ATG16L1: variants seen among roughly 807,000 people sequenced by gnomAD.
ATG16L1 encodes autophagy related 16 like 1.
In ATG16L1, 37 loss-of-function variants were observed where a neutral mutation model predicts 88.5. That is an observed-to-expected ratio of 0.42 (90% CI 0.32 to 0.55). ATG16L1 has a LOEUF of 0.55. Among genes scored for constraint, ATG16L1 ranks in the 20% least tolerant of loss-of-function variants. The pLI, the probability that ATG16L1 is intolerant of heterozygous loss-of-function variation, is 0.13. For missense variants in ATG16L1, 554 were observed against 752.8 expected (o/e 0.74, Z 3.09); for synonymous variants, 301 against 281.0 (o/e 1.07, Z -0.71).
At chr2:233,264,139 G>A (rs1697404080) in intron 4 of ATG16L1, 74 bp downstream of exon 4, 4 of 1,513,106 alleles carry the variant, frequency 2.6e-6, no homozygotes, top group Non-Finnish European at 3.7e-6. Flanking sequence ...CCTCTTGTGA[G>A]CAGGGCCAGT....
intron 2 of ATG16L1, 23 bp from the exon 3 acceptor site, chr2:233,263,107 A>G: frequency 6.2e-7 from 1 of 1,607,602 alleles, no homozygotes; most frequent in Non-Finnish European, 8.5e-7. Context: ...CATTCTCTTC[A>G]TCTGCCTGGT....
chr2:233,273,364 A>C (rs772901191), intron 7 of ATG16L1: 3 of 493,216 alleles, frequency 6.1e-6, no homozygotes, highest in Non-Finnish European at 1.1e-5. Flanking sequence ...TTTCATTCTT[A>C]CTAGGGCTTC....
Position 233,293,472 on chromosome 2 carries a change from C to G in ATG16L1, c.1730+115C>G, listed in dbSNP as rs1699603560. On this transcript the variant is annotated intron_variant, in intron 17 of 17. Coordinates refer to ENST00000392017, the MANE Select transcript of ATG16L1 (RefSeq NM_030803.7). ...GCGCTGTGAGGGCACTGTCCGCCCA[C>G]CTGCTCGGCTGGCTGAGCTAGGTCA... The G allele has an allele frequency of 1.4e-5, 13 of 943,726 alleles. No homozygotes were observed. In the South Asian group the frequency reaches 1.9e-4, roughly 14 times the overall value. 58.5% of individuals were successfully genotyped at this position (943,726 alleles called of 1,614,324 possible). A position where few individuals can be genotyped will look rare whatever the true frequency, so the allele number is the denominator to read the frequency against.
At chr2:233,281,649 A>G (rs1344036275) in intron 11 of ATG16L1, among the ~76,000 whole-genome samples, 1 of 152,228 alleles carries the variant, frequency 6.6e-6, no homozygotes, top group African/African-American at 2.4e-5. Context: ...AGATCTAAAG[A>G]TAATCAAAGG....
At chr2:233,270,124 G>A (rs1339599797) in intron 6 of ATG16L1, 57 bp downstream of exon 6, 8 of 1,485,760 alleles carry the variant, frequency 5.4e-6, no homozygotes, top group Non-Finnish European at 7.2e-6. Flanking sequence ...TCTCTTAAAA[G>A]TTTTGTTTTT....
chr2:233,278,595 T>C (rs1397399738), intron 10 of ATG16L1, among the ~76,000 whole-genome samples: 1 of 152,190 alleles, frequency 6.6e-6, no homozygotes, highest in Non-Finnish European at 1.5e-5. Flanking sequence ...TAGTGAATGA[T>C]TTCTGTGGTG....
At position 233,257,861 on chromosome 2, in the gene ATG16L1, C is replaced by T. The variant is rs111519636; in HGVS notation, c.209+1666C>T. ...CTCTACTAAAAATACAAAAATTAGCCGGGCATGGTGGCGGGCGCCTGTAAT... is the reference window on the plus strand; with the variant it reads ...CTCTACTAAAAATACAAAAATTAGCTGGGCATGGTGGCGGGCGCCTGTAAT... On this transcript the variant is annotated intron_variant, in intron 2 of 17. Coordinates refer to ENST00000392017, the MANE Select transcript of ATG16L1 (RefSeq NM_030803.7). Among the ~76,000 whole-genome samples the T allele has an allele frequency of 1.5e-4, 23 of 152,008 alleles. 1 individual carries two copies. The East Asian group carries it at 3.1e-3, about 20-fold the overall frequency.
rs6861 is a variant in ATG16L1 at position 233,295,467 on chromosome 2, T to C, written c.*1117T>C. 0.68 allele frequency: 103,375 copies of C among 152,494 alleles called. 35,315 individuals are homozygous for C. Among genetic ancestry groups the C allele is most frequent in the South Asian group, 0.78 (3,757 of 4,816 alleles). The allele number at this position is 152,494 out of a possible 1,614,324, so 9.4% of individuals were successfully genotyped here. A position where few individuals can be genotyped will look rare whatever the true frequency, so the allele number is the denominator to read the frequency against. ...TAGAGCTGGTGAGAGAGGAGTCAGG[T>C]GGCCTTCCCACCGATGGTCCTGGCC... On this transcript the variant is annotated 3_prime_UTR_variant, in exon 18 of 18. Transcript: ENST00000392017.
At chr2:233,258,012 AAAAAATATC>A (rs1559377386) in intron 2 of ATG16L1, among the ~76,000 whole-genome samples, 9 of 101,882 alleles carry the variant, frequency 8.8e-5, no homozygotes, top group Admixed American at 2.6e-4. Context: ...AAAAAAAAAA[AAAAAATATC>A]TATATATCTA....
intron 5 of ATG16L1, among the ~76,000 whole-genome samples, chr2:233,268,498 C>A (rs1193682462): frequency 6.6e-6 from 1 of 152,118 alleles, no homozygotes; most frequent in Non-Finnish European, 1.5e-5. Context: ...AGTGATGAAT[C>A]CCTGATAACA....
At chr2:233,253,577 C>G (rs1466158435) in intron 1 of ATG16L1, among the ~76,000 whole-genome samples, 2 of 151,986 alleles carry the variant, frequency 1.3e-5, no homozygotes, top group African/African-American at 4.8e-5. Flanking sequence ...AACTTCTGAC[C>G]TCAGGTGATG....
chr2:233,282,248 TG>T (rs1698765224), intron 11 of ATG16L1, among the ~76,000 whole-genome samples: 1 of 151,782 alleles, frequency 6.6e-6, no homozygotes, highest in Non-Finnish European at 1.5e-5. Flanking sequence ...AAGGCCCAGG[TG>T]GGGGCTGAGG....
chr2:233,254,371 G>A (rs565303451), intron 1 of ATG16L1, among the ~76,000 whole-genome samples: 1 of 152,174 alleles, frequency 6.6e-6, no homozygotes, highest in Non-Finnish European at 1.5e-5. Flanking sequence ...TGACATTTAG[G>A]GAGATCATTT....
chr2:233,253,958 A>T (rs1696601695), intron 1 of ATG16L1, among the ~76,000 whole-genome samples: 1 of 152,110 alleles, frequency 6.6e-6, no homozygotes. Flanking sequence ...GGGAGGCTTG[A>T]CTCACCCCTC....
rs547525014 is a variant in ATG16L1 at position 233,251,701 on chromosome 2, C to G, written c.-127C>G. ...CCGTCCCGGATGGCCTCGGGGACTG[C>G]CAGTGTGTGGAGGTGAGCTCCGGGA... On this transcript the variant is annotated 5_prime_UTR_variant, in exon 1 of 18. Coordinates refer to ENST00000392017, the MANE Select transcript of ATG16L1 (RefSeq NM_030803.7). 6 of 818,506 alleles carry G rather than the reference C, an allele frequency of 7.3e-6. No homozygotes were observed. The highest frequency in any genetic ancestry group is 2.1e-5 in the Admixed American group (1 of 46,584). The allele number at this position is 818,506 out of a possible 1,614,324, so 50.7% of individuals were successfully genotyped here.
chr2:233,283,768 C>T (rs1698883552), intron 12 of ATG16L1, among the ~76,000 whole-genome samples: 1 of 151,680 alleles, frequency 6.6e-6, no homozygotes, highest in African/African-American at 2.4e-5. Context: ...AACTTCTGAC[C>T]TCAAGGGATC....
intron 2 of ATG16L1, among the ~76,000 whole-genome samples, chr2:233,258,001 CAAAA>C (rs57141358): frequency 0.11 from 9,899 of 88,710 alleles, 385 homozygotes; most frequent in Admixed American, 0.14. Context: ...GACTCCGTCT[CAAAA>C]AAAAAAAAAA....
At chr2:233,281,760 G>A (rs1698732354) in intron 11 of ATG16L1, among the ~76,000 whole-genome samples, 1 of 152,176 alleles carries the variant, frequency 6.6e-6, no homozygotes, top group African/African-American at 2.4e-5. Flanking sequence ...GACTGGGTGA[G>A]GCCAAGGTAG....
chr2:233,256,698 T>C (rs1377596990), intron 2 of ATG16L1, among the ~76,000 whole-genome samples: 2 of 151,768 alleles, frequency 1.3e-5, no homozygotes, highest in African/African-American at 2.4e-5. Flanking sequence ...TTTTTCTTTT[T>C]TTTTTTTTTC....
Sources: allele counts gnomAD v4.1 joint callset (sites outside exome capture counted in the v4.1 genomes callset), GRCh38; gene constraint gnomAD v4.1.1; transcripts MANE v1.5; gene names NCBI Gene and HGNC (gene_info 2026-07-23, HGNC 2026-07-21).